Variants in FAM216A observed in about 807,000 individuals in gnomAD.
The protein encoded by FAM216A is protein FAM216A.
A neutral mutation model predicts 37.6 loss-of-function variants in FAM216A; 26 were observed. That is an observed-to-expected ratio of 0.69 (90% CI 0.51 to 0.96). The LOEUF (loss-of-function observed/expected upper bound fraction) is 0.96, where lower values mean the gene tolerates loss of function less well. Among genes scored for constraint, FAM216A ranks in the 40% least tolerant of loss-of-function variants. FAM216A has a pLI of 0.00. For synonymous variants in FAM216A, 110 were observed against 121.7 expected, an observed-to-expected ratio of 0.90 and a Z score of 0.64; for missense variants, 326 against 339.3, an observed-to-expected ratio of 0.96 and a Z score of 0.31.
At chr12:110,482,980 G>A (rs553049627) in intron 2 of FAM216A, among the ~76,000 whole-genome samples, 13 of 152,104 alleles carry the variant, frequency 8.5e-5, no homozygotes, top group Non-Finnish European at 1.5e-4. Flanking sequence ...GCACATCAGT[G>A]GTTGCCTGGA....
At position 110,487,702 on chromosome 12, in the gene FAM216A, T is replaced by C. The variant is rs1164566992; in HGVS notation, c.621-159T>C. On this transcript the variant is annotated intron_variant, in intron 5 of 6. Coordinates refer to ENST00000377673, the MANE Select transcript of FAM216A (RefSeq NM_013300.3). ...GTATTGAAATTGCACTGCAGCAGCT[T>C]TACATGTCAGGGTTAAGAAATTACA... 9.6e-6 allele frequency: 6 copies of C among 627,184 alleles called. No individual in the cohort carries two copies. In the African/African-American group the frequency reaches 1.1e-4, roughly 12 times the overall value. 38.9% of individuals were successfully genotyped at this position (627,184 alleles called of 1,614,324 possible). A position where few individuals can be genotyped will look rare whatever the true frequency, so the allele number is the denominator to read the frequency against.
At position 110,473,084 on chromosome 12, in the gene FAM216A, T is replaced by A; in HGVS notation, c.150T>A (p.Ala50=). Reference sequence around the variant, plus strand: ...TGCTTTATTTTTTCAACAGATCAGCTGGATACTCTTGTTACCAGAATTCCA... The same window carrying A: ...TGCTTTATTTTTTCAACAGATCAGCAGGATACTCTTGTTACCAGAATTCCA... The part of the protein sequence containing the change: ...AGTEGGGGGS[A]GYSCYQNSKG... The change falls in exon 2 of 7, where the codon GCT becomes GCA. Residue 50 remains alanine, a synonymous_variant. Coordinates refer to ENST00000377673, the MANE Select transcript of FAM216A (RefSeq NM_013300.3). 6.4e-7 allele frequency: 1 copy of A among 1,553,696 alleles called. No individual in the cohort carries two copies. Among genetic ancestry groups the A allele is most frequent in the South Asian group, 1.2e-5 (1 of 85,458 alleles).
chr12:110,485,114 T>A lies in FAM216A; in HGVS notation c.221T>A (p.Ile74Lys), dbSNP rs770349155. Residue 74 changes from isoleucine (I) to lysine (K), a missense_variant, in exon 3 of 7, where the codon ATA becomes AAA. Coordinates refer to ENST00000377673, the MANE Select transcript of FAM216A (RefSeq NM_013300.3). ...IKDGYKVNSH[I>K]AKLQELWKTP... ...GATGGATACAAAGTGAACTCACACA[T>A]AGCTAAGCTGCAAGAGTTATGGAAA... 12 of 1,612,656 alleles carry A rather than the reference T, an allele frequency of 7.4e-6. No individual in the cohort carries two copies. The highest frequency in any genetic ancestry group is 1.0e-5 in the Non-Finnish European group (12 of 1,179,434).
chr12:110,485,224 A>AT, intron 3 of FAM216A, 25 bp downstream of exon 3: 1 of 1,591,744 alleles, frequency 6.3e-7, no homozygotes, highest in Non-Finnish European at 8.5e-7. Flanking sequence ...ACATATTTAA[A>AT]TACCAATACT....
chr12:110,468,695 C>T, upstream of FAM216A: 3 of 1,520,982 alleles, frequency 2.0e-6, no homozygotes, highest in Non-Finnish European at 2.6e-6. Context: ...TGCAAACGCT[C>T]AGCGACCGCA....
At position 110,486,665 on chromosome 12, in the gene FAM216A, C is replaced by G. The variant is rs2062778746; in HGVS notation, c.568C>G (p.Pro190Ala). 1 of 1,614,108 alleles carries G rather than the reference C, an allele frequency of 6.2e-7. No homozygotes were observed. The highest frequency in any genetic ancestry group is 8.5e-7 in the Non-Finnish European group (1 of 1,180,016). Reference sequence around the variant, plus strand: ...TTCTGATATCGCAGCTGCATCTGCACCTGAAATGCTCATACAGCATTCCCT... The same window carrying G: ...TTCTGATATCGCAGCTGCATCTGCAGCTGAAATGCTCATACAGCATTCCCT... ...GSSDIAAASA[P>A]EMLIQHSLWR... The change falls in exon 5 of 7, where the codon CCT (proline) becomes GCT (alanine). Residue 190 changes from proline (P) to alanine (A), a missense_variant. Pro to Ala is a conservative substitution (Grantham distance 27). Transcript: ENST00000377673.
At chr12:110,469,360 T>C (rs2062665410) in intron 1 of FAM216A, 1 of 259,812 alleles carries the variant, frequency 3.8e-6, no homozygotes, top group Non-Finnish European at 7.3e-6. Flanking sequence ...GGACTGTGTG[T>C]CCACCGAAAG....
chr12:110,471,040 G>A (rs2135539428), intron 1 of FAM216A, among the ~76,000 whole-genome samples: 2 of 152,224 alleles, frequency 1.3e-5, no homozygotes, highest in African/African-American at 4.8e-5. Flanking sequence ...GAAAGGGGAA[G>A]TGATCTGCCA....
chr12:110,484,979 C>T (rs1015567242), intron 2 of FAM216A, 99 bp from the exon 3 acceptor site: 18 of 1,244,084 alleles, frequency 1.4e-5, no homozygotes, highest in Admixed American at 4.7e-5. Context: ...GGATTACAGG[C>T]GTGAGCCACC....
chr12:110,477,716 C>CT (rs997205072), intron 2 of FAM216A, among the ~76,000 whole-genome samples: 27 of 147,264 alleles, frequency 1.8e-4, no homozygotes, highest in South Asian at 6.5e-4. Context: ...TGTGCTTTTT[C>CT]TTTTTTTTTG....
At chr12:110,485,958 T>C (rs1395809156) in intron 3 of FAM216A, among the ~76,000 whole-genome samples, 1 of 152,184 alleles carries the variant, frequency 6.6e-6, no homozygotes, top group Non-Finnish European at 1.5e-5. Context: ...AGTAGAGTAA[T>C]TGGATTGATT....
intron 2 of FAM216A, among the ~76,000 whole-genome samples, chr12:110,476,499 C>T (rs1402171034): frequency 2.0e-5 from 3 of 151,902 alleles, no homozygotes; most frequent in Non-Finnish European, 2.9e-5. Flanking sequence ...TGAGCCACCG[C>T]GCCTGGCCTA....
intron 2 of FAM216A, among the ~76,000 whole-genome samples, chr12:110,476,425 G>A (rs1390698978): frequency 6.6e-6 from 1 of 151,358 alleles, no homozygotes; most frequent in Non-Finnish European, 1.5e-5. Flanking sequence ...AGCCAGGATG[G>A]TCTCAATCTC....
chr12:110,469,887 C>T (rs911347377), intron 1 of FAM216A, among the ~76,000 whole-genome samples: 1 of 152,240 alleles, frequency 6.6e-6, no homozygotes, highest in Admixed American at 6.5e-5. Flanking sequence ...TTTCTTCACA[C>T]TGAAGTTCCT....
chr12:110,468,456 G>C (rs2062653787), upstream of FAM216A: 5 of 1,536,836 alleles, frequency 3.3e-6, no homozygotes, highest in Non-Finnish European at 4.4e-6. Context: ...TTGGGATGCT[G>C]TCTAAGCTTG....
At chr12:110,482,429 A>G (rs2062752430) in intron 2 of FAM216A, among the ~76,000 whole-genome samples, 1 of 152,156 alleles carries the variant, frequency 6.6e-6, no homozygotes, top group Non-Finnish European at 1.5e-5. Flanking sequence ...TAATAGACAA[A>G]AAGTGGAAAC....
At chr12:110,474,871 A>T (rs1345325036) in intron 2 of FAM216A, among the ~76,000 whole-genome samples, 3 of 151,852 alleles carry the variant, frequency 2.0e-5, no homozygotes, top group Non-Finnish European at 4.4e-5. Context: ...GTGGTGGTGC[A>T]TCCCTATAAT....
At chr12:110,477,138 A>T (rs758811118) in intron 2 of FAM216A, among the ~76,000 whole-genome samples, 6 of 152,234 alleles carry the variant, frequency 3.9e-5, no homozygotes, top group African/African-American at 1.4e-4. Context: ...GAGTTTGTCC[A>T]GGTTAATCAT....
chr12:110,473,588 A>C (rs1250429011), intron 2 of FAM216A, among the ~76,000 whole-genome samples: 1 of 152,162 alleles, frequency 6.6e-6, no homozygotes, highest in East Asian at 1.9e-4. Flanking sequence ...GCAATCAGGG[A>C]GGTTTTTCTT....
Sources: allele counts gnomAD v4.1 joint callset (sites outside exome capture counted in the v4.1 genomes callset), GRCh38; gene constraint gnomAD v4.1.1; transcripts MANE v1.5; gene names NCBI Gene and HGNC (gene_info 2026-07-23, HGNC 2026-07-21).